The following POLR2F variants were observed in gnomAD, a reference collection of about 807,000 sequenced individuals.
POLR2F encodes RNA polymerase II, I and III subunit F.
In POLR2F, 12 loss-of-function variants were observed where a neutral mutation model predicts 22.7. The observed-to-expected ratio is 0.53, with a 90% CI of 0.34 to 0.86. The LOEUF (loss-of-function observed/expected upper bound fraction) is 0.86, where lower values mean the gene tolerates loss of function less well. Among genes scored for constraint, POLR2F ranks in the 40% least tolerant of loss-of-function variants. The pLI is 0.02. For missense variants in POLR2F, 126 were observed against 171.5 expected (o/e 0.73, Z 1.48); for synonymous variants, 57 against 66.0 (o/e 0.86, Z 0.66).
rs201973932 is a variant in POLR2F, at chr22:37,955,678, CTTA to C, written c.21-1086_21-1084del. ...ACAAAAGTCGGATTTACTTCTTCTT[CTTA>C]TTATTATTTTTTATTTTTTGAGAAG... is the stretch of plus-strand genomic sequence containing the variant. On this transcript the variant is annotated intron_variant, in intron 1 of 4. Transcript: ENST00000442738. Among the ~76,000 whole-genome samples, 107 of 151,900 alleles carry C rather than the reference CTTA, an allele frequency of 7.0e-4. 1 individual carries two copies. The highest frequency in any genetic ancestry group is 2.4e-3 in the African/African-American group (100 of 41,450).
chr22:37,986,314 TGG>T lies in POLR2F; in HGVS notation c.120+4_120+5del. 1 of 1,536,136 alleles carries T rather than the reference TGG, an allele frequency of 6.5e-7. No homozygotes were observed. The highest frequency in any genetic ancestry group is 8.7e-7 in the Non-Finnish European group (1 of 1,146,084). The stretch of plus-strand genomic sequence containing the variant: ...CCTGCCTGGCATCTCTCTCTCCCGG[TGG>T]GTCCCCACTCATCCTTCCACCCCTC... On this transcript the variant is annotated splice_donor_region_variant and intron_variant, in intron 1 of 2. Coordinates refer to the POLR2F transcript ENST00000333418. This position sits in a 1 kb window ranked among gnomAD's most constrained non-coding sequence, Gnocchi z 4.7.
chr22:38,026,857 T>A (rs2085015999), downstream of POLR2F, among the ~76,000 whole-genome samples: 1 of 151,660 alleles, frequency 6.6e-6, no homozygotes, highest in Admixed American at 6.6e-5. Context: ...GCCCGGACTT[T>A]CCCAGCCTCC....
rs1039868442 is a variant in POLR2F, at chr22:38,017,432, G to A, written c.121-8437G>A. Among the ~76,000 whole-genome samples the A allele has an allele frequency of 2.0e-4, 31 of 152,160 alleles. No homozygotes were observed. Among genetic ancestry groups the A allele is most frequent in the Non-Finnish European group, 3.8e-4 (26 of 68,024 alleles). ...AGGAGCTGAAAAAGAACCTCAGTAG[G>A]GGAAGGTGGGCCCTGGTACCACCTG... On this transcript the variant is annotated intron_variant, in intron 1 of 2. Coordinates refer to the POLR2F transcript ENST00000333418. The surrounding 1 kb of genome is among the most constrained non-coding windows in gnomAD (Gnocchi z 4.1).
chr22:38,018,851 G>A (rs576480533), intron 1 of POLR2F, among the ~76,000 whole-genome samples: 24 of 152,188 alleles, frequency 1.6e-4, no homozygotes, highest in Admixed American at 1.4e-3. Flanking sequence ...TGTGTGGTGC[G>A]GGAGAGCTGG....
chr22:37,968,299 C>T lies in POLR2F; in HGVS notation c.*584C>T. ...CTGCTGGGCAAGTCAGCAGCTGGAG[C>T]AAGGACCGAGCACCTGCCTACCCCT... is the stretch of plus-strand genomic sequence containing the variant. On this transcript the variant is annotated 3_prime_UTR_variant, in exon 5 of 5. Coordinates refer to ENST00000442738, the MANE Select transcript of POLR2F (RefSeq NM_021974.5). The T allele has an allele frequency of 1.0e-6, 1 of 985,750 alleles. No individual in the cohort carries two copies. Among genetic ancestry groups the T allele is most frequent in the Non-Finnish European group, 1.2e-6 (1 of 830,150 alleles). 61.1% of individuals were successfully genotyped at this position (985,750 alleles called of 1,614,324 possible).
chr22:37,986,210 C>G lies in POLR2F; in HGVS notation c.20C>G (p.Thr7Arg). ...GAGCCGCCCTGGATGGACAGAGGGA[C>G]GAGGGACGAGCATCTGCCGTCGTGT... is the stretch of plus-strand genomic sequence containing the variant. Residue 7 changes from threonine to arginine, a missense_variant, in exon 1 of 3, where the codon ACG becomes AGG. Thr to Arg is a moderately conservative substitution (Grantham distance 71). Transcript: ENST00000333418. This position sits in a 1 kb window ranked among gnomAD's most constrained non-coding sequence, Gnocchi z 4.7. 1 of 1,542,244 alleles carries G rather than the reference C, an allele frequency of 6.5e-7. No homozygotes were observed. Among genetic ancestry groups the G allele is most frequent in the Non-Finnish European group, 8.7e-7 (1 of 1,147,546 alleles).
At position 38,016,595 on chromosome 22, in the gene POLR2F, A is replaced by G. The variant is rs1601909320; in HGVS notation, c.121-9274A>G. Among the ~76,000 whole-genome samples the G allele has an allele frequency of 6.6e-6, 1 of 152,156 alleles. No individual in the cohort carries two copies. The highest frequency in any genetic ancestry group is 1.5e-5 in the Non-Finnish European group (1 of 68,020). ...AGAAGCAGCTGCGCGCGACGTTGAC[A>G]TTGTTCCCACCATTCTAAGTGCAAC... On this transcript the variant is annotated intron_variant, in intron 1 of 2. Transcript: ENST00000333418. This position sits in a 1 kb window ranked among gnomAD's most constrained non-coding sequence, Gnocchi z 4.4.
At chr22:38,003,478 C>T (rs1469093833) in intron 1 of POLR2F, among the ~76,000 whole-genome samples, 1 of 152,078 alleles carries the variant, frequency 6.6e-6, no homozygotes, top group Non-Finnish European at 1.5e-5. Context: ...CCGCCCACCT[C>T]GGCCTCCCAA....
chr22:37,965,982 C>T (rs563299964), intron 3 of POLR2F, among the ~76,000 whole-genome samples: 4 of 152,142 alleles, frequency 2.6e-5, no homozygotes. Flanking sequence ...CACTGTGGGC[C>T]AAGTGTTATG....
At chr22:37,993,438 G>A (rs148954174) in intron 1 of POLR2F, among the ~76,000 whole-genome samples, 2 of 152,300 alleles carry the variant, frequency 1.3e-5, no homozygotes, top group African/African-American at 4.8e-5. Context: ...TAAAAATGGG[G>A]TGATCCAGTC....
chr22:38,012,884 T>A (rs1211785330), intron 1 of POLR2F, among the ~76,000 whole-genome samples: 1 of 152,212 alleles, frequency 6.6e-6, no homozygotes, highest in African/African-American at 2.4e-5. Flanking sequence ...TGATATGTCT[T>A]ATTCATGGTG....
intron 1 of POLR2F, among the ~76,000 whole-genome samples, chr22:38,001,478 G>A (rs2084769263): frequency 6.6e-6 from 1 of 152,196 alleles, no homozygotes; most frequent in South Asian, 2.1e-4. Flanking sequence ...AGAGAGCGAT[G>A]AGCACTGGGA....
chr22:38,028,346 C>T (rs551040644), downstream of POLR2F, among the ~76,000 whole-genome samples: 5 of 152,132 alleles, frequency 3.3e-5, no homozygotes, highest in South Asian at 1.0e-3. Flanking sequence ...ATTGGGAGCC[C>T]CTTCTCACAG....
chr22:38,007,771 T>C (rs1164119608), intron 1 of POLR2F, among the ~76,000 whole-genome samples: 1 of 152,234 alleles, frequency 6.6e-6, no homozygotes, highest in East Asian at 1.9e-4. Context: ...ACACTAGTTG[T>C]GGTCATGGTA....
intron 3 of POLR2F, among the ~76,000 whole-genome samples, chr22:37,966,331 G>C (rs970461412): frequency 1.3e-5 from 2 of 152,130 alleles, no homozygotes; most frequent in African/African-American, 4.8e-5. Context: ...AAGGCAAACA[G>C]GGACCAGACT....
intron 3 of POLR2F, among the ~76,000 whole-genome samples, 200 bp from the exon 4 acceptor site, chr22:37,966,899 C>T (rs927214836): frequency 3.3e-5 from 5 of 152,132 alleles, no homozygotes; most frequent in South Asian, 2.1e-4. Flanking sequence ...CTGCTGTGGC[C>T]GCTGGACTCC....
At chr22:37,973,884 G>A, downstream of POLR2F, 1 of 1,610,306 alleles carries the variant, frequency 6.2e-7, no homozygotes, top group South Asian at 1.1e-5. Flanking sequence ...GCCACGCCTG[G>A]TGGCTTGGAG....
At chr22:38,023,040 C>G (rs1031373847) in intron 1 of POLR2F, among the ~76,000 whole-genome samples, 2 of 152,134 alleles carry the variant, frequency 1.3e-5, no homozygotes, top group African/African-American at 4.8e-5. Context: ...AAAAAACAAA[C>G]AAAGAAACAG....
chr22:37,956,099 G>T (rs187733445), intron 1 of POLR2F, among the ~76,000 whole-genome samples: 33 of 151,308 alleles, frequency 2.2e-4, no homozygotes, highest in Non-Finnish European at 3.5e-4. Flanking sequence ...GTGGCGGGGG[G>T]GGGTTTTGAG....
Sources: allele counts gnomAD v4.1 joint callset (sites outside exome capture counted in the v4.1 genomes callset), GRCh38; gene constraint gnomAD v4.1.1; non-coding constraint Gnocchi (gnomAD v3.1); transcripts MANE v1.5; gene names NCBI Gene and HGNC (gene_info 2026-07-23, HGNC 2026-07-21).